PDE5A: variants seen among roughly 807,000 people sequenced by gnomAD.
PDE5A encodes the protein cGMP-specific 3',5'-cyclic phosphodiesterase.
PDE5A carries 67 observed loss-of-function variants against 110.2 expected under a neutral mutation model. That is an observed-to-expected ratio of 0.61 (90% CI 0.50 to 0.75). The LOEUF (loss-of-function observed/expected upper bound fraction) is 0.75. PDE5A is among the 30% of genes least tolerant of loss of function. PDE5A has a pLI of 0.00. For synonymous variants in PDE5A, 328 were observed against 351.2 expected (o/e 0.93, Z 0.74); for missense variants, 862 against 1,045.1 (o/e 0.82, Z 2.42).
Position 119,521,211 on chromosome 4 carries a change from T to C in PDE5A, c.1780-151A>G, listed in dbSNP as rs980271892. 1.7e-5 allele frequency: 14 copies of C among 820,860 alleles called. No homozygotes were observed. The African/African-American group carries it at 1.9e-4, about 11-fold the overall frequency. The allele number at this position is 820,860 out of a possible 1,614,324, so 50.8% of individuals were successfully genotyped here. ...GAAAACTGACACTCAGAGAGGTAAC[T>C]TGCTGAAGGTCATATTGTTAGTTAG... is the stretch of plus-strand genomic sequence containing the variant. On this transcript the variant is annotated intron_variant, in intron 12 of 20. Transcript: ENST00000354960.
intron 9 of PDE5A, chr4:119,552,104 G>A (rs531742155): frequency 1.5e-4 from 23 of 152,244 alleles, no homozygotes; most frequent in African/African-American, 4.3e-4. Context: ...AAGCTCCTGA[G>A]GGCAGGAATT....
intron 7 of PDE5A, among the ~76,000 whole-genome samples, chr4:119,559,955 A>C (rs868429068): frequency 3.3e-5 from 5 of 152,160 alleles, no homozygotes; most frequent in African/African-American, 1.2e-4. Context: ...GAGTCAAATG[A>C]ATTCCCCATC....
At chr4:119,552,008 A>G (rs1183103632) in intron 9 of PDE5A, 1 of 152,162 alleles carries the variant, frequency 6.6e-6, no homozygotes, top group Non-Finnish European at 1.5e-5. Flanking sequence ...TATGTCAATA[A>G]AAGGAAACAT....
chr4:119,618,621 C>CT (rs35062994), intron 1 of PDE5A, among the ~76,000 whole-genome samples: 116 of 150,902 alleles, frequency 7.7e-4, no homozygotes, highest in Middle Eastern at 3.4e-3. Flanking sequence ...TACTTAGAGA[C>CT]TTTTTTTTTG....
chr4:119,523,598 A>G (rs1726205415), intron 12 of PDE5A, among the ~76,000 whole-genome samples: 1 of 152,098 alleles, frequency 6.6e-6, no homozygotes. Flanking sequence ...AGGTAGGATG[A>G]TGAATCAGAC....
In PDE5A at chr4:119,525,503, C is replaced by T; in HGVS notation, c.1779+46G>A. On this transcript the variant is annotated intron_variant, in intron 12 of 20. Coordinates refer to ENST00000354960, the MANE Select transcript of PDE5A (RefSeq NM_001083.4). The surrounding 1 kb of genome is among the most constrained non-coding windows in gnomAD (Gnocchi z 4.3). ...ACCAATTCTCTCTCTTACATACACACACACATACACATAGACTTTTCCAAA... is the reference window on the plus strand; with the variant it reads ...ACCAATTCTCTCTCTTACATACACATACACATACACATAGACTTTTCCAAA... 6.4e-7 allele frequency: 1 copy of T among 1,571,476 alleles called. No individual in the cohort carries two copies. Among genetic ancestry groups the T allele is most frequent in the Non-Finnish European group, 8.7e-7 (1 of 1,150,962 alleles).
intron 2 of PDE5A, among the ~76,000 whole-genome samples, chr4:119,604,704 G>A (rs150978988): frequency 2.1e-3 from 314 of 152,106 alleles, no homozygotes; most frequent in African/African-American, 7.2e-3. Flanking sequence ...CCCGGCCCTC[G>A]GTATTACTCA....
In PDE5A at chr4:119,501,168, A is replaced by G; in HGVS notation, c.2490+2T>C. The G allele has an allele frequency of 6.3e-7, 1 of 1,584,666 alleles. No homozygotes were observed. Among genetic ancestry groups the G allele is most frequent in the Non-Finnish European group, 8.7e-7 (1 of 1,153,602 alleles). On this transcript the variant is annotated splice_donor_variant, in intron 20 of 20. Transcript: ENST00000354960. LOFTEE classifies it high-confidence loss of function. ...CAAGTCTAGTAGTTTTCATATAAAT[A>G]CCTCATACAGTTGCAAGCAGATGGC...
intron 5 of PDE5A, among the ~76,000 whole-genome samples, chr4:119,563,395 A>G (rs147629062): frequency 1.1e-3 from 165 of 152,346 alleles, no homozygotes; most frequent in Middle Eastern, 6.8e-3. Flanking sequence ...CAACATTATC[A>G]ATATTTTTAC....
rs1726093019 is a variant in PDE5A, at chr4:119,520,618, TCTTA to T, written c.1905+313_1905+316del. Reference sequence around the variant, plus strand: ...TGAACAAGAGAAATGTGATACTTTTTCTTACTTTTTCTTAATAAGGCAGTGTTTT... The same window carrying T: ...TGAACAAGAGAAATGTGATACTTTTTCTTTTTCTTAATAAGGCAGTGTTTT... On this transcript the variant is annotated intron_variant, in intron 13 of 20. Transcript: ENST00000354960. Among the ~76,000 whole-genome samples, 3 of 152,078 alleles carry T rather than the reference TCTTA, an allele frequency of 2.0e-5. No individual in the cohort carries two copies. The South Asian group carries it at 6.2e-4, about 31-fold the overall frequency.
intron 3 of PDE5A, among the ~76,000 whole-genome samples, chr4:119,587,118 C>T (rs550767659): frequency 6.6e-6 from 1 of 152,260 alleles, no homozygotes; most frequent in Admixed American, 6.5e-5. Context: ...CTATCACAAC[C>T]TCAAGTCCAG....
intron 2 of PDE5A, among the ~76,000 whole-genome samples, chr4:119,602,541 C>A (rs992072568): frequency 1.3e-5 from 2 of 152,192 alleles, no homozygotes; most frequent in Non-Finnish European, 2.9e-5. Flanking sequence ...CAAGCATAGA[C>A]ACAGCAGTTC....
intron 12 of PDE5A, among the ~76,000 whole-genome samples, chr4:119,522,541 A>G (rs922992684): frequency 2.6e-5 from 4 of 152,138 alleles, no homozygotes; most frequent in African/African-American, 9.6e-5. Context: ...TTTACTAATC[A>G]TAAATGTACA....
chr4:119,536,557 C>G (rs947165948), intron 11 of PDE5A, among the ~76,000 whole-genome samples: 3 of 152,108 alleles, frequency 2.0e-5, no homozygotes, highest in African/African-American at 7.2e-5. Context: ...CATCAACATA[C>G]AAAATAAATA....
intron 2 of PDE5A, among the ~76,000 whole-genome samples, chr4:119,606,481 C>T (rs1729533901): frequency 1.3e-5 from 2 of 152,038 alleles, no homozygotes; most frequent in Non-Finnish European, 2.9e-5. Flanking sequence ...ATGAGATTTC[C>T]TTAAGGCTCA....
In PDE5A at chr4:119,498,553, C is replaced by T; in HGVS notation, c.*48G>A. 6.2e-7 allele frequency: 1 copy of T among 1,607,902 alleles called. No homozygotes were observed. The highest frequency in any genetic ancestry group is 1.1e-5 in the South Asian group (1 of 90,788). On this transcript the variant is annotated 3_prime_UTR_variant, in exon 21 of 21. Coordinates refer to ENST00000354960, the MANE Select transcript of PDE5A (RefSeq NM_001083.4). ...AGTGTGTAAGAAACTAGGCATATTG[C>T]AGAACACACCATCTCTGTAAACTTC...
chr4:119,540,230 G>C (rs1357887762), intron 10 of PDE5A, among the ~76,000 whole-genome samples: 1 of 151,936 alleles, frequency 6.6e-6, no homozygotes, highest in African/African-American at 2.4e-5. Flanking sequence ...TTTAAATGGT[G>C]AGTAAAGTAA....
rs548692909 is a variant in PDE5A, at chr4:119,507,723, C to A, written c.2089-19G>T. On this transcript the variant is annotated intron_variant, in intron 15 of 20. Coordinates refer to ENST00000354960, the MANE Select transcript of PDE5A (RefSeq NM_001083.4). ...GATTGCCCTTTATAAAAAAAGAAAACCAGTATTAACATCCTGGAGAAGCTG... is the reference window on the plus strand; with the variant it reads ...GATTGCCCTTTATAAAAAAAGAAAAACAGTATTAACATCCTGGAGAAGCTG... 1 of 1,493,582 alleles carries A rather than the reference C, an allele frequency of 6.7e-7. No individual in the cohort carries two copies. Among genetic ancestry groups the A allele is most frequent in the Non-Finnish European group, 9.2e-7 (1 of 1,091,832 alleles). 92.5% of individuals were successfully genotyped at this position (1,493,582 alleles called of 1,614,324 possible).
chr4:119,616,395 A>G (rs1729945024), intron 1 of PDE5A, among the ~76,000 whole-genome samples: 1 of 152,180 alleles, frequency 6.6e-6, no homozygotes, highest in Non-Finnish European at 1.5e-5. Flanking sequence ...AATGTGACTC[A>G]AATCTTACTC....
Sources: allele counts gnomAD v4.1 joint callset (sites outside exome capture counted in the v4.1 genomes callset), GRCh38; gene constraint gnomAD v4.1.1; non-coding constraint Gnocchi (gnomAD v3.1); transcripts MANE v1.5; gene names NCBI Gene and HGNC (gene_info 2026-07-23, HGNC 2026-07-21).